CTNNA2: variants seen among roughly 807,000 people sequenced by gnomAD.
The protein encoded by CTNNA2 is catenin alpha-2.
CTNNA2 carries 42 observed loss-of-function variants against 101.0 expected under a neutral mutation model. The ratio of observed to expected loss-of-function variants is 0.42; its 90% CI spans 0.32 to 0.54. The LOEUF (loss-of-function observed/expected upper bound fraction) is 0.54, where lower values mean the gene tolerates loss of function less well. Among genes scored for constraint, CTNNA2 ranks in the 20% least tolerant of loss-of-function variants. CTNNA2 has a pLI of 0.14. For synonymous variants in CTNNA2, 450 were observed against 456.4 expected, an observed-to-expected ratio of 0.99 and a Z score of 0.18; for missense variants, 871 against 1,223.1, an observed-to-expected ratio of 0.71 and a Z score of 4.29.
At chr2:79,717,776 A>G (rs529927110) in intron 2 of CTNNA2, among the ~76,000 whole-genome samples, 1 of 152,304 alleles carries the variant, frequency 6.6e-6, no homozygotes, top group Non-Finnish European at 1.5e-5. Context: ...ATAGCAGGCC[A>G]GGGGGTAGGG....
chr2:80,223,162 G>A (rs1423239854), intron 7 of CTNNA2, among the ~76,000 whole-genome samples: 4 of 152,180 alleles, frequency 2.6e-5, no homozygotes, highest in Non-Finnish European at 5.9e-5. Flanking sequence ...CAGGCAAATT[G>A]AGTTAAAGTT....
At chr2:80,444,779 C>T (rs1351773846) in intron 9 of CTNNA2, among the ~76,000 whole-genome samples, 2 of 152,144 alleles carry the variant, frequency 1.3e-5, no homozygotes, top group Non-Finnish European at 2.9e-5. Context: ...TGAGAGGACC[C>T]TCACCAGAAC....
chr2:80,560,325 A>G (rs1177400464), intron 12 of CTNNA2, among the ~76,000 whole-genome samples: 1 of 152,182 alleles, frequency 6.6e-6, no homozygotes, highest in African/African-American at 2.4e-5. Context: ...GAGAGGGTAC[A>G]TTTGGGCCAG....
chr2:79,679,724 C>T (rs750913523), intron 2 of CTNNA2, among the ~76,000 whole-genome samples: 3 of 152,118 alleles, frequency 2.0e-5, no homozygotes, highest in African/African-American at 4.8e-5. Flanking sequence ...CTGCTTCCTA[C>T]GTCACTGTAG....
intron 7 of CTNNA2, among the ~76,000 whole-genome samples, chr2:80,141,151 C>G (rs769395548): frequency 5.3e-5 from 8 of 152,006 alleles, no homozygotes; most frequent in Non-Finnish European, 8.8e-5. Flanking sequence ...GAGCCTGCCT[C>G]AGGAAGGATG....
chr2:80,368,403 A>G (rs926466430), intron 7 of CTNNA2, among the ~76,000 whole-genome samples: 1 of 152,174 alleles, frequency 6.6e-6, no homozygotes, highest in African/African-American at 2.4e-5. Context: ...CTCACGCTGT[A>G]AAGCTAATTC....
chr2:80,126,341 CT>C (rs1387850218), intron 7 of CTNNA2, among the ~76,000 whole-genome samples: 2 of 152,000 alleles, frequency 1.3e-5, no homozygotes, highest in African/African-American at 2.4e-5. Flanking sequence ...TGACCCCCTC[CT>C]CTCCCTAATG....
intron 7 of CTNNA2, among the ~76,000 whole-genome samples, chr2:80,174,436 A>G (rs1209285376): frequency 1.3e-5 from 2 of 152,116 alleles, no homozygotes; most frequent in African/African-American, 4.8e-5. Context: ...CTCTGGGGCT[A>G]CCTTCCTTGG....
chr2:79,631,107 T>A (rs553858609), intron 1 of CTNNA2, among the ~76,000 whole-genome samples: 1 of 152,274 alleles, frequency 6.6e-6, no homozygotes, highest in East Asian at 1.9e-4. Flanking sequence ...TCCTAGAGTT[T>A]CTCAAGTATA....
chr2:80,103,650 A>G (rs1038807363), intron 7 of CTNNA2, among the ~76,000 whole-genome samples: 6 of 150,054 alleles, frequency 4.0e-5, no homozygotes, highest in African/African-American at 1.5e-4. Flanking sequence ...TGTTATTTTC[A>G]TGGTGTGTGC....
intron 1 of CTNNA2, among the ~76,000 whole-genome samples, chr2:79,540,156 G>A (rs1673319478): frequency 6.6e-6 from 1 of 152,080 alleles, no homozygotes; most frequent in Admixed American, 6.5e-5. Flanking sequence ...AAGGGAATGA[G>A]TAAGAGAAAA....
At chr2:79,439,944 G>A (rs978618920) in intron 4 of CTNNA2, among the ~76,000 whole-genome samples, 16 of 152,066 alleles carry the variant, frequency 1.1e-4, no homozygotes, top group Admixed American at 2.0e-4. Flanking sequence ...GGAAACATGC[G>A]AAGGTAAACT....
intron 2 of CTNNA2, among the ~76,000 whole-genome samples, chr2:79,714,238 C>T (rs898831031): frequency 6.6e-6 from 1 of 151,830 alleles, no homozygotes; most frequent in African/African-American, 2.4e-5. Context: ...CAATGACGGG[C>T]ACATAATTAA....
intron 9 of CTNNA2, among the ~76,000 whole-genome samples, chr2:80,422,086 A>G (rs1680574449): frequency 6.6e-6 from 1 of 152,220 alleles, no homozygotes; most frequent in South Asian, 2.1e-4. Flanking sequence ...AAGACATATC[A>G]TATGCAAGAC....
At chr2:79,839,179 A>G (rs1046312877) in intron 3 of CTNNA2, among the ~76,000 whole-genome samples, 4 of 152,022 alleles carry the variant, frequency 2.6e-5, no homozygotes, top group Non-Finnish European at 5.9e-5. Context: ...TTTAAATAAT[A>G]TTTTAGCAAG....
chr2:80,105,048 T>C (rs1411189919), intron 7 of CTNNA2, among the ~76,000 whole-genome samples: 1 of 152,206 alleles, frequency 6.6e-6, no homozygotes, highest in African/African-American at 2.4e-5. Flanking sequence ...CTTGAAAGTT[T>C]CGTGCTTCTT....
At chr2:79,611,745 G>A (rs1678290152) in intron 1 of CTNNA2, among the ~76,000 whole-genome samples, 1 of 152,072 alleles carries the variant, frequency 6.6e-6, no homozygotes, top group Non-Finnish European at 1.5e-5. Context: ...TTAGTCATCT[G>A]ATTTACTGCA....
chr2:80,329,369 T>C (rs994258631), intron 7 of CTNNA2, among the ~76,000 whole-genome samples: 3 of 152,188 alleles, frequency 2.0e-5, no homozygotes, highest in African/African-American at 4.8e-5. Flanking sequence ...TGAAACAGTG[T>C]GGTAAAGACT....
At chr2:80,200,206 C>T (rs1707113637) in intron 7 of CTNNA2, among the ~76,000 whole-genome samples, 1 of 152,178 alleles carries the variant, frequency 6.6e-6, no homozygotes, top group South Asian at 2.1e-4. Flanking sequence ...TTGTGCCAGA[C>T]AATGTATCAT....
Sources: gnomAD v4.1 joint callset for allele counts (sites outside exome capture counted in the v4.1 genomes callset) on GRCh38, gnomAD v4.1.1 for gene constraint, MANE v1.5 for transcripts, NCBI Gene and HGNC (gene_info 2026-07-23, HGNC 2026-07-21) for gene names.